SOX5: variants seen among roughly 807,000 people sequenced by gnomAD.
SOX5 encodes the protein SRY-box transcription factor 5.
SOX5 carries 9 observed loss-of-function variants against 92.0 expected under a neutral mutation model. That is an observed-to-expected ratio of 0.10 (90% CI 0.06 to 0.17). The LOEUF (loss-of-function observed/expected upper bound fraction) is 0.17, where lower values mean the gene tolerates loss of function less well. Among genes scored for constraint, SOX5 ranks in the 10% least tolerant of loss-of-function variants. The pLI, the probability that SOX5 is intolerant of heterozygous loss-of-function variation, is 1.00. For missense variants in SOX5, 642 were observed against 944.5 expected (o/e 0.68, Z 4.20); for synonymous variants, 344 against 336.3 (o/e 1.02, Z -0.25).
intron 1 of SOX5, among the ~76,000 whole-genome samples, chr12:24,499,239 C>T (rs1177508556): frequency 6.6e-6 from 1 of 152,192 alleles, no homozygotes; most frequent in Non-Finnish European, 1.5e-5. Flanking sequence ...CCCCATCGTC[C>T]CCCCTGCCTG....
intron 3 of SOX5, among the ~76,000 whole-genome samples, chr12:24,215,080 A>G (rs1441392614): frequency 6.6e-6 from 1 of 152,132 alleles, no homozygotes; most frequent in African/African-American, 2.4e-5. Context: ...AAAACATTAA[A>G]CAAACTAGCA....
intron 3 of SOX5, among the ~76,000 whole-genome samples, chr12:23,823,588 G>A (rs1422683308): frequency 2.6e-5 from 4 of 152,072 alleles, no homozygotes; most frequent in South Asian, 4.1e-4. Context: ...TGACGATTAC[G>A]TGTCTTGGGG....
intron 3 of SOX5, among the ~76,000 whole-genome samples, chr12:23,780,227 A>C (rs549975046): frequency 3.3e-5 from 5 of 152,152 alleles, no homozygotes; most frequent in African/African-American, 1.2e-4. Flanking sequence ...TGTCAGCAGA[A>C]AGAGTGCTAT....
intron 1 of SOX5, among the ~76,000 whole-genome samples, chr12:24,543,719 CA>C: frequency 6.6e-6 from 1 of 152,136 alleles, no homozygotes; most frequent in South Asian, 2.1e-4. Context: ...TATGCAAATG[CA>C]AATAGTTATA....
At chr12:24,429,203 G>C (rs1937735260) in intron 1 of SOX5, among the ~76,000 whole-genome samples, 1 of 152,114 alleles carries the variant, frequency 6.6e-6, no homozygotes, top group African/African-American at 2.4e-5. Flanking sequence ...TGTAGTCCCA[G>C]CTACTCTGGA....
At chr12:24,117,973 G>A (rs1948205223) in intron 4 of SOX5, among the ~76,000 whole-genome samples, 1 of 147,172 alleles carries the variant, frequency 6.8e-6, no homozygotes, top group African/African-American at 2.5e-5. Flanking sequence ...AAGCCCAGAT[G>A]GTGCCACCGC....
Position 23,719,474 on chromosome 12 carries a change from G to C in SOX5, c.810+15210C>G, listed in dbSNP as rs150170918. ...TAAAAAGGAGCTATTTGCCAAGCAT[G>C]GTGACTCACACCTGTAATCCCAGCA... On this transcript the variant is annotated intron_variant, in intron 6 of 14. Coordinates refer to ENST00000451604, the MANE Select transcript of SOX5 (RefSeq NM_006940.6). 3.8e-3 allele frequency among the ~76,000 whole-genome samples: 580 copies of C among 152,176 alleles called. 4 individuals carry two copies. The highest frequency in any genetic ancestry group is 0.01 in the Middle Eastern group (3 of 294).
At chr12:23,966,612 G>C (rs1000536392) in intron 4 of SOX5, among the ~76,000 whole-genome samples, 1 of 152,010 alleles carries the variant, frequency 6.6e-6, no homozygotes, top group Admixed American at 6.6e-5. Flanking sequence ...AATCTGAGAA[G>C]TGATATAATG....
chr12:23,679,226 G>A (rs1222566367), intron 6 of SOX5, among the ~76,000 whole-genome samples: 1 of 152,118 alleles, frequency 6.6e-6, no homozygotes, highest in Non-Finnish European at 1.5e-5. Flanking sequence ...TAGAACCTAA[G>A]ATGATGCCTT....
chr12:24,106,966 T>C (rs1217802880), intron 4 of SOX5, among the ~76,000 whole-genome samples: 19 of 151,934 alleles, frequency 1.3e-4, no homozygotes, highest in Non-Finnish European at 4.4e-5. Context: ...TGAGCCAAAA[T>C]TGTCACAAAA....
intron 3 of SOX5, among the ~76,000 whole-genome samples, chr12:24,243,624 A>AT (rs1292561410): frequency 6.6e-6 from 1 of 152,226 alleles, no homozygotes; most frequent in African/African-American, 2.4e-5. Flanking sequence ...AAAACCGTAC[A>AT]TTGCCTTATA....
At chr12:24,116,873 G>A (rs1827089) in intron 4 of SOX5, among the ~76,000 whole-genome samples, 113,181 of 151,574 alleles carry the variant, frequency 0.75, 43,358 homozygotes, top group East Asian at 0.98. Flanking sequence ...TCTATAATGC[G>A]ATACATATGT....
Position 23,940,567 on chromosome 12 carries a change from A to G in SOX5, c.38+8997T>C, listed in dbSNP as rs975853823. Reference sequence around the variant, plus strand: ...CTATCTTCTAATTTTACAGATGCATACTCTTAAGAGTCAAAGAGGTCTCAG... The same window carrying G: ...CTATCTTCTAATTTTACAGATGCATGCTCTTAAGAGTCAAAGAGGTCTCAG... On this transcript the variant is annotated intron_variant, in intron 1 of 14. Transcript: ENST00000451604. Among the ~76,000 whole-genome samples, 3 of 151,230 alleles carry G rather than the reference A, an allele frequency of 2.0e-5. No individual in the cohort carries two copies. In the South Asian group the frequency reaches 6.2e-4, roughly 31 times the overall value.
chr12:23,885,783 A>AT (rs1195514322), intron 2 of SOX5, among the ~76,000 whole-genome samples: 1 of 151,982 alleles, frequency 6.6e-6, no homozygotes, highest in Non-Finnish European at 1.5e-5. Flanking sequence ...GTTTACATTT[A>AT]TTTCCCATTT....
chr12:24,517,409 G>A lies in SOX5; in HGVS notation c.-251+44920C>T, dbSNP rs1435351500. Among the ~76,000 whole-genome samples the A allele has an allele frequency of 2.0e-5, 3 of 152,162 alleles. No individual in the cohort carries two copies. In the East Asian group the frequency reaches 5.8e-4, roughly 29 times the overall value. On this transcript the variant is annotated intron_variant, in intron 1 of 4. Coordinates refer to the SOX5 transcript ENST00000446891. ...AGAGTCAAAAAGCACGGGAAACACA[G>A]TGAAAATGGCAGTTACAAGAAAGGG...
chr12:23,831,957 T>TACACACACACACAGACAC (rs2096331348), intron 3 of SOX5, among the ~76,000 whole-genome samples: 1 of 142,732 alleles, frequency 7.0e-6, no homozygotes, highest in African/African-American at 2.7e-5. Context: ...AAAGGGGAAC[T>TACACACACACACAGACAC]ACACACACAC....
chr12:24,019,380 T>A (rs1361233708), intron 4 of SOX5, among the ~76,000 whole-genome samples: 7 of 152,058 alleles, frequency 4.6e-5, no homozygotes, highest in African/African-American at 1.7e-4. Context: ...AAAACAGAAC[T>A]AGAAAAATAA....
intron 1 of SOX5, among the ~76,000 whole-genome samples, chr12:24,426,968 G>A (rs1203625917): frequency 2.0e-5 from 3 of 152,068 alleles, no homozygotes; most frequent in Non-Finnish European, 4.4e-5. Flanking sequence ...CCAGTAGAGT[G>A]AATCTGCCCT....
intron 4 of SOX5, among the ~76,000 whole-genome samples, chr12:24,021,859 G>A (rs1954331351): frequency 6.6e-6 from 1 of 152,176 alleles, no homozygotes; most frequent in South Asian, 2.1e-4. Context: ...TCACCTTCAT[G>A]TACTCTACGT....
Sources: gnomAD v4.1 joint callset for allele counts (sites outside exome capture counted in the v4.1 genomes callset) on GRCh38, gnomAD v4.1.1 for gene constraint, MANE v1.5 for transcripts, NCBI Gene and HGNC (gene_info 2026-07-23, HGNC 2026-07-21) for gene names.